The following ABI2 variants were observed in gnomAD, a reference collection of about 807,000 sequenced individuals.
The protein encoded by ABI2 is abl interactor 2, also known as abelson interactor 2.
ABI2 carries 25 observed loss-of-function variants against 59.2 expected under a neutral mutation model. That is an observed-to-expected ratio of 0.42 (90% confidence interval 0.31 to 0.59). The LOEUF is 0.59. Among genes scored for constraint, ABI2 ranks in the 20% least tolerant of loss-of-function variants. The pLI, the probability that ABI2 is intolerant of heterozygous loss-of-function variation, is 0.14. For synonymous variants in ABI2, 213 were observed against 235.5 expected (o/e 0.90, Z 0.87); for missense variants, 545 against 681.8 (o/e 0.80, Z 2.23).
Position 203,431,476 on chromosome 2 carries a change from C to G in ABI2, c.*4124C>G, listed in dbSNP as rs1234204392. 1.3e-5 allele frequency: 2 copies of G among 152,448 alleles called. No homozygotes were observed. Among genetic ancestry groups the G allele is most frequent in the Non-Finnish European group, 2.9e-5 (2 of 68,018 alleles). 9.4% of individuals were successfully genotyped at this position (152,448 alleles called of 1,614,324 possible). On this transcript the variant is annotated 3_prime_UTR_variant, in exon 12 of 12. Transcript: ENST00000261018. ...TGCAATCTTAATTTGTGGAAATAAT[C>G]TTCATTTACCCCTCCTAAAACTACA...
chr2:203,338,983 A>AATATATATATATATATATATAAATATAT (rs2078200719), intron 1 of ABI2, among the ~76,000 whole-genome samples: 3 of 12,354 alleles, frequency 2.4e-4, no homozygotes, highest in African/African-American at 5.2e-4. Context: ...TATATATATA[A>AATATATATATATATATATATAAATATAT]ATATATATAT....
At chr2:203,354,293 C>T (rs551406419) in intron 1 of ABI2, among the ~76,000 whole-genome samples, 2 of 152,308 alleles carry the variant, frequency 1.3e-5, no homozygotes, top group South Asian at 4.1e-4. Flanking sequence ...ATCTTCTCGC[C>T]TCAGCCTCCC....
chr2:203,328,723 C>G (rs1225980208), intron 1 of ABI2, 92 bp downstream of exon 1: 1 of 748,296 alleles, frequency 1.3e-6, no homozygotes, highest in African/African-American at 1.9e-5. Context: ...CTCGGGGACA[C>G]GGCCCAGCGG....
At chr2:203,379,782 C>T (rs2095986639) in intron 2 of ABI2, among the ~76,000 whole-genome samples, 1 of 152,196 alleles carries the variant, frequency 6.6e-6, no homozygotes, top group Admixed American at 6.5e-5. Flanking sequence ...GTGGGCCATA[C>T]CATCTCTGTT....
rs1261792046 is a variant in ABI2 at position 203,430,212 on chromosome 2, ATAAAT to A, written c.*2865_*2869del. On this transcript the variant is annotated 3_prime_UTR_variant, in exon 12 of 12. Coordinates refer to ENST00000261018, the MANE Select transcript of ABI2 (RefSeq NM_001375670.1). Reference sequence around the variant, plus strand: ...TTATTGTAAGTTTCCCTCTTTTTTTATAAATTAAAAGATGGTTGGTATTAGGAATT... The same window carrying A: ...TTATTGTAAGTTTCCCTCTTTTTTTATAAAAGATGGTTGGTATTAGGAATT... 3.3e-5 allele frequency: 5 copies of A among 152,040 alleles called. No homozygotes were observed. The highest frequency in any genetic ancestry group is 1.5e-5 in the Non-Finnish European group (1 of 67,984). 9.4% of individuals were successfully genotyped at this position (152,040 alleles called of 1,614,324 possible).
intron 5 of ABI2, among the ~76,000 whole-genome samples, 171 bp downstream of exon 5, chr2:203,391,314 A>G (rs113705942): frequency 6.6e-6 from 1 of 152,308 alleles, no homozygotes; most frequent in Non-Finnish European, 1.5e-5. Context: ...TTTATACTTC[A>G]GAAAGATTTG....
chr2:203,363,618 A>G (rs2093873991), intron 1 of ABI2, among the ~76,000 whole-genome samples: 1 of 152,234 alleles, frequency 6.6e-6, no homozygotes, highest in African/African-American at 2.4e-5. Flanking sequence ...TCCCACAAAT[A>G]AGTGAGAACA....
chr2:203,355,633 C>T (rs559743270), intron 1 of ABI2, among the ~76,000 whole-genome samples: 16 of 151,720 alleles, frequency 1.1e-4, no homozygotes, highest in Non-Finnish European at 1.6e-4. Flanking sequence ...AGTTCCAGAC[C>T]AGCCTGATCA....
chr2:203,348,768 A>C (rs966377637), intron 1 of ABI2, among the ~76,000 whole-genome samples: 5 of 152,206 alleles, frequency 3.3e-5, no homozygotes, highest in Non-Finnish European at 2.9e-5. Context: ...AGCCGCCTCC[A>C]TTATTAATAT....
chr2:203,423,070 A>AG (rs1455085592), intron 11 of ABI2, among the ~76,000 whole-genome samples: 1 of 152,208 alleles, frequency 6.6e-6, no homozygotes, highest in Non-Finnish European at 1.5e-5. Flanking sequence ...CTTAATTGTT[A>AG]GGTGTGGTTG....
chr2:203,379,863 A>G (rs2095995484), intron 2 of ABI2, among the ~76,000 whole-genome samples: 1 of 152,346 alleles, frequency 6.6e-6, no homozygotes, highest in African/African-American at 2.4e-5. Flanking sequence ...CTGTATTCCA[A>G]TAAAACTTTA....
At chr2:203,353,030 A>G (rs1450522832) in intron 1 of ABI2, among the ~76,000 whole-genome samples, 1 of 152,004 alleles carries the variant, frequency 6.6e-6, no homozygotes, top group African/African-American at 2.4e-5. Flanking sequence ...ATGCTCTTTC[A>G]TCTAGATTTG....
At chr2:203,361,269 T>G (rs923921590) in intron 1 of ABI2, among the ~76,000 whole-genome samples, 1 of 151,894 alleles carries the variant, frequency 6.6e-6, no homozygotes, top group African/African-American at 2.4e-5. Context: ...GGGATGGGAG[T>G]CAATTCTCGG....
intron 8 of ABI2, among the ~76,000 whole-genome samples, chr2:203,399,590 A>G (rs1182883184): frequency 6.6e-6 from 1 of 152,212 alleles, no homozygotes. Context: ...ATCTCAGCTC[A>G]CTGCAATCTC....
intron 1 of ABI2, 41 bp downstream of exon 1, chr2:203,328,672 C>T (rs759265140): frequency 2.9e-6 from 4 of 1,387,860 alleles, no homozygotes; most frequent in Admixed American, 5.6e-5. Context: ...GGGACCCCCC[C>T]GCCGGGGGCC....
chr2:203,414,101 CTT>C (rs539839995), intron 10 of ABI2, among the ~76,000 whole-genome samples: 51,626 of 126,034 alleles, frequency 0.41, 10,597 homozygotes, highest in Middle Eastern at 0.63. Context: ...CTTGCATTGT[CTT>C]TTTTTTTTTT....
At chr2:203,334,922 A>G (rs1197362887) in intron 1 of ABI2, among the ~76,000 whole-genome samples, 3 of 152,072 alleles carry the variant, frequency 2.0e-5, no homozygotes, top group Non-Finnish European at 4.4e-5. Context: ...CGGCCTCCCA[A>G]AGTGCTGGGA....
Position 203,396,797 on chromosome 2 carries a change from C to T in ABI2, c.863C>T (p.Ser288Phe), listed in dbSNP as rs2097012052. 1 of 1,531,708 alleles carries T rather than the reference C, an allele frequency of 6.5e-7. No homozygotes were observed. Among genetic ancestry groups the T allele is most frequent in the African/African-American group, 1.4e-5 (1 of 72,974 alleles). The allele number at this position is 1,531,708 out of a possible 1,614,324, so 94.9% of individuals were successfully genotyped here. Residue 288 changes from serine to phenylalanine, a missense_variant, in exon 8 of 12, where the codon TCT (serine) becomes TTT (phenylalanine). Around this residue, in one of 4 missense-constraint regions of ABI2, gnomAD observed 410 missense variants for 435.6 expected, o/e 0.94. Transcript: ENST00000261018. Reference sequence around the variant, plus strand: ...TCTTTCCCCTCAGCCCCTGCTGGCTCTGCTGGCACTCCTCCCCTTCCTGCT... The same window carrying T: ...TCTTTCCCCTCAGCCCCTGCTGGCTTTGCTGGCACTCCTCCCCTTCCTGCT... ...PPSVFPAPAG[S>F]AGTPPLPATS...
At chr2:203,385,791 G>C (rs561200482) in intron 4 of ABI2, among the ~76,000 whole-genome samples, 2 of 152,262 alleles carry the variant, frequency 1.3e-5, no homozygotes, top group African/African-American at 4.8e-5. Context: ...ACAAAAGCCA[G>C]TTGTTAGAAT....
Sources: gnomAD v4.1 joint callset for allele counts (sites outside exome capture counted in the v4.1 genomes callset) on GRCh38, gnomAD v4.1.1 for gene constraint, gnomAD v4.1.1 regional missense constraint, MANE v1.5 for transcripts, NCBI Gene and HGNC (gene_info 2026-07-23, HGNC 2026-07-21) for gene names.